Variants in LARP1 observed in about 807,000 individuals in gnomAD.
LARP1 encodes la-related protein 1.
In LARP1, 36 loss-of-function variants were observed where a neutral mutation model predicts 122.7. That is an observed-to-expected ratio of 0.29 (90% CI 0.22 to 0.39). The LOEUF (loss-of-function observed/expected upper bound fraction) is 0.39. LARP1 is among the 10% of genes least tolerant of loss of function. The pLI is 1.00. For synonymous variants in LARP1, 539 were observed against 528.7 expected (o/e 1.02, Z -0.27); for missense variants, 1,040 against 1,403.6 (o/e 0.74, Z 4.14).
chr5:154,742,463 G>C (rs1752943486), intron 1 of LARP1, among the ~76,000 whole-genome samples: 1 of 152,160 alleles, frequency 6.6e-6, no homozygotes, highest in South Asian at 2.1e-4. Context: ...GGAGGCTGAG[G>C]CATGAAAATC....
Position 154,803,700 on chromosome 5 carries a change from A to G in LARP1, c.2394A>G (p.Ser798=). ...TPQLKDSSQT[S]RFYPVVKEGR... Reference sequence around the variant, plus strand: ...AGCTCAAAGACTCAAGCCAGACATCACGGTTTTACCCAGTGGTGAAAGAAG... The same window carrying G: ...AGCTCAAAGACTCAAGCCAGACATCGCGGTTTTACCCAGTGGTGAAAGAAG... Residue 798 remains serine, a synonymous_variant, in exon 13 of 19, where the codon TCA becomes TCG. Transcript: ENST00000518297. This position sits in a 1 kb window ranked among gnomAD's most constrained non-coding sequence, Gnocchi z 4.4. The G allele has an allele frequency of 6.2e-7, 1 of 1,614,188 alleles. No individual in the cohort carries two copies. The highest frequency in any genetic ancestry group is 1.1e-5 in the South Asian group (1 of 91,076).
chr5:154,766,663 C>A (rs987022019), intron 1 of LARP1, among the ~76,000 whole-genome samples: 2 of 152,324 alleles, frequency 1.3e-5, no homozygotes, highest in Middle Eastern at 3.4e-3. Flanking sequence ...TTCCAGGTGG[C>A]AGTCGGCCCC....
chr5:154,694,289 C>T (rs905396250), intron 1 of LARP1, among the ~76,000 whole-genome samples: 6 of 152,178 alleles, frequency 3.9e-5, no homozygotes, highest in African/African-American at 9.7e-5. Context: ...CAGGGTCTCA[C>T]TCTGTTGCCC....
At position 154,811,652 on chromosome 5, in the gene LARP1, T is replaced by G. The variant is rs759793849; in HGVS notation, c.3081+12T>G. On this transcript the variant is annotated intron_variant, in intron 18 of 18. Transcript: ENST00000518297. ...ACTTCCGAGTAGATGTAAGTGAAAC[T>G]CTTTCTCTAACTCTGCTTGTCCTGG... 6.2e-7 allele frequency: 1 copy of G among 1,614,078 alleles called. No individual in the cohort carries two copies. Among genetic ancestry groups the G allele is most frequent in the East Asian group, 2.2e-5 (1 of 44,876 alleles).
At position 154,755,698 on chromosome 5, in the gene LARP1, T is replaced by C; in HGVS notation, c.-60T>C. 1 of 987,678 alleles carries C rather than the reference T, an allele frequency of 1.0e-6. No individual in the cohort carries two copies. The highest frequency in any genetic ancestry group is 1.7e-5 in the African/African-American group (1 of 57,320). 61.2% of individuals were successfully genotyped at this position (987,678 alleles called of 1,614,324 possible). A position where few individuals can be genotyped will look rare whatever the true frequency, so the allele number is the denominator to read the frequency against. On this transcript the variant is annotated 5_prime_UTR_variant, in exon 1 of 19. Transcript: ENST00000518297. ...CGTCGCGGGCGCTCTGCTAGCCAAG[T>C]TCGAGGCGGGGGAGGCAGCCTCGGG...
chr5:154,771,645 G>A (rs1490974010), intron 1 of LARP1, among the ~76,000 whole-genome samples: 4 of 152,162 alleles, frequency 2.6e-5, no homozygotes, highest in South Asian at 2.1e-4. Flanking sequence ...GGGCTGTTAC[G>A]GCCCAGCCTA....
chr5:154,746,381 A>G (rs1271234539), intron 1 of LARP1, among the ~76,000 whole-genome samples: 1 of 151,978 alleles, frequency 6.6e-6, no homozygotes, highest in Non-Finnish European at 1.5e-5. Flanking sequence ...TTTTGCCCCA[A>G]TTTTGCCTTC....
At chr5:154,799,520 G>A in intron 8 of LARP1, 71 bp from the exon 9 acceptor site, 2 of 1,548,258 alleles carry the variant, frequency 1.3e-6, no homozygotes, top group Non-Finnish European at 8.8e-7. Context: ...GAACCCAGTT[G>A]TCTACCATTT....
intron 6 of LARP1, 38 bp downstream of exon 6, chr5:154,794,038 G>C (rs760776437): frequency 2.5e-6 from 4 of 1,610,764 alleles, no homozygotes; most frequent in Middle Eastern, 1.7e-4. Flanking sequence ...ATGTCCAAGG[G>C]TGTGCAGCAG....
intron 1 of LARP1, among the ~76,000 whole-genome samples, chr5:154,721,425 C>A (rs964854989): frequency 6.6e-6 from 1 of 151,582 alleles, no homozygotes; most frequent in Non-Finnish European, 1.5e-5. Context: ...TGTGGCCCCA[C>A]CCACAGCTTC....
At chr5:154,756,358 C>A in intron 1 of LARP1, 165 bp downstream of exon 1, 1 of 966,306 alleles carries the variant, frequency 1.0e-6, no homozygotes, top group Non-Finnish European at 1.3e-6. Context: ...CCCTCCCCCC[C>A]ACCGTACACT....
chr5:154,729,762 A>G, intron 1 of LARP1: 1 of 228,076 alleles, frequency 4.4e-6, no homozygotes, highest in South Asian at 6.1e-5. Context: ...ACTTCAATGT[A>G]TTCCCAGCAC....
At chr5:154,775,493 CAA>C (rs138027824) in intron 1 of LARP1, among the ~76,000 whole-genome samples, 58 of 100,094 alleles carry the variant, frequency 5.8e-4, no homozygotes, top group Non-Finnish European at 7.7e-4. Flanking sequence ...GACCCTCCCT[CAA>C]AAAAAAAAAA....
Position 154,712,938 on chromosome 5 carries a change from GT to G in LARP1, c.14del (p.Val5GlyfsTer73), listed in dbSNP as rs1561539800. 6.2e-7 allele frequency: 1 copy of G among 1,614,156 alleles called. No individual in the cohort carries two copies. The highest frequency in any genetic ancestry group is 1.1e-5 in the South Asian group (1 of 91,080). On this transcript the variant is annotated frameshift_variant, in exon 1 of 19. Transcript: ENST00000336314. LOFTEE classifies it high-confidence loss of function. Reference sequence around the variant, plus strand: ...CCCTGGTCACTCCATGCTTTGGAGGGTGCTTTTGTCAAAGAGGCCTCCTTTC... The same window carrying G: ...CCCTGGTCACTCCATGCTTTGGAGGGGCTTTTGTCAAAGAGGCCTCCTTTC...
intron 1 of LARP1, among the ~76,000 whole-genome samples, chr5:154,695,852 G>A (rs1237965416): frequency 6.6e-6 from 1 of 151,766 alleles, no homozygotes; most frequent in Non-Finnish European, 1.5e-5. Flanking sequence ...CAGCCTGGGC[G>A]ACAGAGCAAG....
At chr5:154,741,687 G>A (rs1230176868) in intron 1 of LARP1, among the ~76,000 whole-genome samples, 1 of 152,168 alleles carries the variant, frequency 6.6e-6, no homozygotes, top group Non-Finnish European at 1.5e-5. Context: ...AAGGCCAGGT[G>A]CAAGAAACGG....
intron 1 of LARP1, among the ~76,000 whole-genome samples, chr5:154,686,118 G>A (rs1242728636): frequency 6.6e-6 from 1 of 152,218 alleles, no homozygotes; most frequent in Non-Finnish European, 1.5e-5. Context: ...CTAGTGCTTA[G>A]TACGGTTCCT....
intron 1 of LARP1, among the ~76,000 whole-genome samples, chr5:154,774,386 C>A (rs1243381551): frequency 6.6e-6 from 1 of 152,178 alleles, no homozygotes; most frequent in Non-Finnish European, 1.5e-5. Flanking sequence ...AGTCTCCAGG[C>A]TGGGGAGGGT....
chr5:154,697,789 A>T (rs1754532625), intron 1 of LARP1, among the ~76,000 whole-genome samples: 1 of 152,160 alleles, frequency 6.6e-6, no homozygotes, highest in South Asian at 2.1e-4. Context: ...ACTAAGGGAT[A>T]ATAGCTAAAA....
Sources: gnomAD v4.1 joint callset for allele counts (sites outside exome capture counted in the v4.1 genomes callset) on GRCh38, gnomAD v4.1.1 for gene constraint, Gnocchi (gnomAD v3.1) non-coding constraint, MANE v1.5 for transcripts, NCBI Gene and HGNC (gene_info 2026-07-23, HGNC 2026-07-21) for gene names.